The following YPEL2 variants were observed in gnomAD, a reference collection of about 807,000 sequenced individuals.
YPEL2 encodes yippee like 2.
In YPEL2, 2 loss-of-function variants were observed where a neutral mutation model predicts 19.1. The ratio of observed to expected loss-of-function variants is 0.10; its 90% CI spans 0.04 to 0.33. YPEL2 has a LOEUF of 0.33. Among genes scored for constraint, YPEL2 ranks in the 10% least tolerant of loss-of-function variants. The pLI, the probability that YPEL2 is intolerant of heterozygous loss-of-function variation, is 1.00. For missense variants in YPEL2, 66 were observed against 140.7 expected, an observed-to-expected ratio of 0.47 and a Z score of 2.68; for synonymous variants, 52 against 50.0, an observed-to-expected ratio of 1.04 and a Z score of -0.17.
chr17:59,391,623 C>T (rs528314408), intron 4 of YPEL2, among the ~76,000 whole-genome samples: 20 of 151,970 alleles, frequency 1.3e-4, no homozygotes, highest in Non-Finnish European at 2.1e-4. Flanking sequence ...TGGGGCCAGG[C>T]GTAATAGCTC....
intron 2 of YPEL2, among the ~76,000 whole-genome samples, chr17:59,377,991 G>A (rs1186120027): frequency 2.0e-5 from 3 of 152,092 alleles, no homozygotes; most frequent in Non-Finnish European, 1.5e-5. Context: ...TTATTGAATC[G>A]GCAATATGTT....
chr17:59,353,345 G>A lies in YPEL2; in HGVS notation c.-65G>A. On this transcript the variant is annotated 5_prime_UTR_variant, in exon 2 of 5. Transcript: ENST00000312655. This position sits in a 1 kb window ranked among gnomAD's most constrained non-coding sequence, Gnocchi z 4.8. The stretch of plus-strand genomic sequence containing the variant: ...ACCTGTGTCTTCCGGTGTTTCCCGT[G>A]CGACCCATCCTGTGGGAGTGCCTCG... 8.2e-7 allele frequency: 1 copy of A among 1,224,806 alleles called. No homozygotes were observed. The highest frequency in any genetic ancestry group is 1.2e-6 in the Non-Finnish European group (1 of 864,086). 75.9% of individuals were successfully genotyped at this position (1,224,806 alleles called of 1,614,324 possible).
intron 2 of YPEL2, among the ~76,000 whole-genome samples, chr17:59,360,374 C>G (rs147848742): frequency 2.6e-5 from 4 of 152,184 alleles, no homozygotes; most frequent in Non-Finnish European, 5.9e-5. Flanking sequence ...CCACTGCGCC[C>G]GGCCGTGTTA....
chr17:59,387,854 G>C (rs1454492239), intron 2 of YPEL2, among the ~76,000 whole-genome samples: 1 of 152,204 alleles, frequency 6.6e-6, no homozygotes. Flanking sequence ...TTTTTCTTGG[G>C]TCAGGGATTT....
intron 1 of YPEL2, among the ~76,000 whole-genome samples, chr17:59,337,123 A>G (rs1226418275): frequency 2.6e-5 from 4 of 151,616 alleles, no homozygotes; most frequent in Admixed American, 1.3e-4. Flanking sequence ...ATAAGGGTTT[A>G]TATTGTTGAA....
At chr17:59,352,730 C>T (rs931600578) in intron 1 of YPEL2, among the ~76,000 whole-genome samples, 1 of 152,158 alleles carries the variant, frequency 6.6e-6, no homozygotes, top group Non-Finnish European at 1.5e-5. Flanking sequence ...GCTGCCTCTG[C>T]AGGTGATGGC....
At chr17:59,334,415 T>A (rs924534474) in intron 1 of YPEL2, among the ~76,000 whole-genome samples, 1 of 150,930 alleles carries the variant, frequency 6.6e-6, no homozygotes, top group African/African-American at 2.4e-5. Flanking sequence ...AGTCAGGAGT[T>A]TGTCTACCAT....
At chr17:59,366,353 C>T (rs986259971) in intron 2 of YPEL2, among the ~76,000 whole-genome samples, 6 of 152,106 alleles carry the variant, frequency 3.9e-5, no homozygotes, top group Non-Finnish European at 7.4e-5. Context: ...CCTGAAAAAG[C>T]GGTTGGTGGC....
In YPEL2 at chr17:59,388,693, G is replaced by T. The variant is rs540156297; in HGVS notation, c.161+323G>T. The T allele has an allele frequency of 8.7e-6, 3 of 345,640 alleles. No homozygotes were observed. In the East Asian group the frequency reaches 1.5e-4, roughly 17 times the overall value. The allele number at this position is 345,640 out of a possible 1,614,324, so 21.4% of individuals were successfully genotyped here. On this transcript the variant is annotated intron_variant, in intron 3 of 4. Coordinates refer to ENST00000312655, the MANE Select transcript of YPEL2 (RefSeq NM_001005404.4). ...AGATCTGAGATTTGTCACTGGGGAA[G>T]AGAATATGGGTGAAAAAGACACCAA...
intron 1 of YPEL2, among the ~76,000 whole-genome samples, chr17:59,351,593 C>T (rs949673235): frequency 1.3e-5 from 2 of 152,146 alleles, no homozygotes; most frequent in African/African-American, 4.8e-5. Flanking sequence ...GTCCTATCTC[C>T]TGTGATGGCC....
chr17:59,351,398 G>GT (rs1425898193), intron 1 of YPEL2, among the ~76,000 whole-genome samples: 1 of 151,856 alleles, frequency 6.6e-6, no homozygotes, highest in African/African-American at 2.4e-5. Flanking sequence ...AAAAAGAAAG[G>GT]TTGAGGGTAT....
intron 2 of YPEL2, among the ~76,000 whole-genome samples, chr17:59,373,724 T>TC (rs374153596): frequency 2.6e-5 from 4 of 152,246 alleles, no homozygotes; most frequent in African/African-American, 9.6e-5. Context: ...TAATTTTTTT[T>TC]ACCATCAGAG....
chr17:59,387,257 T>TAAA (rs373789547), intron 2 of YPEL2, among the ~76,000 whole-genome samples: 2 of 77,552 alleles, frequency 2.6e-5, no homozygotes, highest in Non-Finnish European at 5.0e-5. Flanking sequence ...AGACTCCATC[T>TAAA]AAAAAAAAAA....
intron 2 of YPEL2, among the ~76,000 whole-genome samples, chr17:59,385,142 G>C (rs984483896): frequency 5.3e-5 from 8 of 152,156 alleles, no homozygotes; most frequent in Admixed American, 4.6e-4. Context: ...CCATAGAATA[G>C]AGTACTACTC....
chr17:59,383,414 C>T (rs1029639420), intron 2 of YPEL2, among the ~76,000 whole-genome samples: 4 of 149,636 alleles, frequency 2.7e-5, no homozygotes, highest in Non-Finnish European at 4.4e-5. Context: ...CTGGCTAACA[C>T]GGTGAAACCC....
At position 59,400,320 on chromosome 17, in the gene YPEL2, A is replaced by G. The variant is rs1194527357; in HGVS notation, c.*3130A>G. The G allele has an allele frequency of 6.6e-6, 1 of 152,620 alleles. No individual in the cohort carries two copies. Among genetic ancestry groups the G allele is most frequent in the Non-Finnish European group, 1.5e-5 (1 of 68,046 alleles). 9.5% of individuals were successfully genotyped at this position (152,620 alleles called of 1,614,324 possible). ...TATATAAAAGAAACAGTTGCTTGTA[A>G]AATATACTTTTGTAAATAATATTTA... is the stretch of plus-strand genomic sequence containing the variant. On this transcript the variant is annotated 3_prime_UTR_variant, in exon 5 of 5. Transcript: ENST00000312655.
At chr17:59,352,731 A>C (rs1051517602) in intron 1 of YPEL2, among the ~76,000 whole-genome samples, 2 of 152,176 alleles carry the variant, frequency 1.3e-5, no homozygotes, top group Non-Finnish European at 2.9e-5. Flanking sequence ...CTGCCTCTGC[A>C]GGTGATGGCT....
At chr17:59,382,114 T>C (rs754955263) in intron 2 of YPEL2, among the ~76,000 whole-genome samples, 4 of 152,246 alleles carry the variant, frequency 2.6e-5, no homozygotes, top group Admixed American at 2.0e-4. Context: ...GAACCCATGA[T>C]GGAAAAGTCT....
chr17:59,373,575 G>A (rs931894228), intron 2 of YPEL2, among the ~76,000 whole-genome samples: 1 of 152,048 alleles, frequency 6.6e-6, no homozygotes. Context: ...TACTCTCTGC[G>A]GTGCCCAGCA....
Sources: allele counts gnomAD v4.1 joint callset (sites outside exome capture counted in the v4.1 genomes callset), GRCh38; gene constraint gnomAD v4.1.1; non-coding constraint Gnocchi (gnomAD v3.1); transcripts MANE v1.5; gene names NCBI Gene and HGNC (gene_info 2026-07-23, HGNC 2026-07-21).